Variants in MALRD1 observed in about 807,000 individuals in gnomAD.
The protein encoded by MALRD1 is MAM and LDL receptor class A domain containing 1.
MALRD1 carries 247 observed loss-of-function variants against 242.1 expected under a neutral mutation model. The ratio of observed to expected loss-of-function variants is 1.02; its 90% CI spans 0.92 to 1.13. The LOEUF (loss-of-function observed/expected upper bound fraction) is 1.13. Among genes scored for constraint, MALRD1 ranks in the 50% most tolerant of loss-of-function variants. The pLI is 0.00. For synonymous variants in MALRD1, 995 were observed against 866.6 expected (o/e 1.15, Z -2.60); for missense variants, 2,989 against 2,533.1 (o/e 1.18, Z -3.86).
At chr10:19,088,532 CTTTCT>C (rs1426378511) in intron 4 of MALRD1, among the ~76,000 whole-genome samples, 3 of 75,972 alleles carry the variant, frequency 3.9e-5, no homozygotes, top group African/African-American at 2.1e-4. Flanking sequence ...CTTCCTCTTT[CTTTCT>C]TTTTTTTTTT....
chr10:19,578,714 T>TC (rs1290254877), intron 33 of MALRD1, among the ~76,000 whole-genome samples: 18 of 151,758 alleles, frequency 1.2e-4, no homozygotes, highest in Non-Finnish European at 1.5e-4. Flanking sequence ...TTTTTTTTTT[T>TC]CACAGTACAC....
intron 31 of MALRD1, among the ~76,000 whole-genome samples, chr10:19,525,642 G>C (rs1834069625): frequency 6.6e-6 from 1 of 152,152 alleles, no homozygotes; most frequent in African/African-American, 2.4e-5. Context: ...TGTAAAATCT[G>C]TGCCCCAGGA....
At chr10:19,494,309 G>C (rs1837620154) in intron 30 of MALRD1, among the ~76,000 whole-genome samples, 1 of 152,162 alleles carries the variant, frequency 6.6e-6, no homozygotes, top group Non-Finnish European at 1.5e-5. Context: ...GAAGTTAAAG[G>C]AACATTTGCA....
intron 26 of MALRD1, among the ~76,000 whole-genome samples, chr10:19,353,151 C>T (rs1844470905): frequency 6.6e-6 from 1 of 151,948 alleles, no homozygotes; most frequent in Non-Finnish European, 1.5e-5. Context: ...GGTTTACAGG[C>T]ATGCTCCACC....
At position 19,723,845 on chromosome 10, in the gene MALRD1, G is replaced by A. The variant is rs186108870; in HGVS notation, c.6315-6861G>A. ...AACATGTTGCAAGAGTATTACTCCC[G>A]TGAGATAGTAGTAGAAACTAGGTGT... On this transcript the variant is annotated intron_variant, in intron 38 of 39. Transcript: ENST00000454679. Among the ~76,000 whole-genome samples, 390 of 151,792 alleles carry A rather than the reference G, an allele frequency of 2.6e-3. 4 individuals are homozygous for A. Among genetic ancestry groups the A allele is most frequent in the East Asian group, 1.2e-3 (6 of 5,150 alleles).
intron 11 of MALRD1, among the ~76,000 whole-genome samples, chr10:19,148,786 A>AT (rs1220802758): frequency 0.02 from 1,347 of 68,078 alleles, 11 homozygotes; most frequent in African/African-American, 0.029. Flanking sequence ...AAAAAAAAAA[A>AT]AAATATATAT....
intron 5 of MALRD1, among the ~76,000 whole-genome samples, chr10:19,107,514 T>C (rs1836505569): frequency 6.6e-6 from 1 of 151,692 alleles, no homozygotes; most frequent in African/African-American, 2.4e-5. Context: ...TCTCAGTCTA[T>C]GGGTATTTTA....
intron 29 of MALRD1, among the ~76,000 whole-genome samples, chr10:19,457,071 T>A (rs1835698747): frequency 6.6e-6 from 1 of 152,178 alleles, no homozygotes; most frequent in East Asian, 1.9e-4. Context: ...TTGATATGAT[T>A]GCCATCACTC....
chr10:19,270,313 TCTCTTCTCTC>T (rs1287766314), intron 19 of MALRD1, among the ~76,000 whole-genome samples: 1 of 132,908 alleles, frequency 7.5e-6, no homozygotes, highest in African/African-American at 3.1e-5. Context: ...ACTGTCTCTC[TCTCTTCTCTC>T]TCTCTCTCTC....
Position 19,646,024 on chromosome 10 carries a change from A to G in MALRD1, c.6137+30101A>G, listed in dbSNP as rs1840641729. On this transcript the variant is annotated intron_variant, in intron 36 of 39. Coordinates refer to ENST00000454679, the MANE Select transcript of MALRD1 (RefSeq NM_001142308.3). The stretch of plus-strand genomic sequence containing the variant: ...CTTGTGAACTAAATGTAAGTTTTGT[A>G]GCTTGTAGAAATAGAAAAAGCAAAT... Among the ~76,000 whole-genome samples the G allele has an allele frequency of 2.6e-5, 4 of 152,324 alleles. No homozygotes were observed. In the South Asian group the frequency reaches 8.3e-4, roughly 32 times the overall value.
At chr10:19,430,111 C>T (rs11009862) in intron 28 of MALRD1, among the ~76,000 whole-genome samples, 3 of 83,516 alleles carry the variant, frequency 3.6e-5, no homozygotes, top group Admixed American at 1.6e-4. Flanking sequence ...CTCCATTTTC[C>T]TTTTTTTTTT....
intron 38 of MALRD1, among the ~76,000 whole-genome samples, chr10:19,692,886 T>TATATATATATA (rs373717863): frequency 1.5e-5 from 2 of 136,864 alleles, no homozygotes; most frequent in African/African-American, 2.9e-5. Context: ...TATATATATA[T>TATATATATATA]AATTTCATCC....
chr10:19,071,996 T>C (rs1282141550), intron 2 of MALRD1, among the ~76,000 whole-genome samples: 2 of 152,172 alleles, frequency 1.3e-5, no homozygotes, highest in African/African-American at 4.8e-5. Flanking sequence ...TTGTCTGTGG[T>C]GAACTTGCAA....
chr10:19,119,759 G>T (rs1422639446), intron 5 of MALRD1, among the ~76,000 whole-genome samples: 4 of 152,152 alleles, frequency 2.6e-5, no homozygotes. Context: ...AGGCAGTCTA[G>T]TCCCCAGACA....
chr10:19,589,649 C>T (rs11010596), intron 33 of MALRD1, among the ~76,000 whole-genome samples: 1 of 152,248 alleles, frequency 6.6e-6, no homozygotes, highest in East Asian at 1.9e-4. Flanking sequence ...ACAAACAACC[C>T]TAAGATATAT....
intron 25 of MALRD1, among the ~76,000 whole-genome samples, chr10:19,351,244 G>T (rs1844363151): frequency 6.6e-6 from 1 of 152,148 alleles, no homozygotes; most frequent in Non-Finnish European, 1.5e-5. Flanking sequence ...AAGCTTTAAA[G>T]GCTTTGAATT....
At chr10:19,668,219 C>G (rs1307717685) in intron 36 of MALRD1, among the ~76,000 whole-genome samples, 1 of 152,200 alleles carries the variant, frequency 6.6e-6, no homozygotes. Context: ...TTCATTTCCT[C>G]CCTGGTTCCT....
At chr10:19,128,141 T>C in intron 7 of MALRD1, 80 bp from the exon 8 acceptor site, 1 of 1,071,322 alleles carries the variant, frequency 9.3e-7, no homozygotes, top group Non-Finnish European at 1.2e-6. Flanking sequence ...TTTTGAAAAC[T>C]TCAGAAATGT....
intron 4 of MALRD1, among the ~76,000 whole-genome samples, chr10:19,095,804 G>T (rs1483809400): frequency 2.0e-5 from 3 of 152,140 alleles, no homozygotes; most frequent in African/African-American, 7.2e-5. Context: ...TCAATTCCCT[G>T]TGTCTGCTTG....
Sources: gnomAD v4.1 joint callset for allele counts (sites outside exome capture counted in the v4.1 genomes callset) on GRCh38, gnomAD v4.1.1 for gene constraint, MANE v1.5 for transcripts, NCBI Gene and HGNC (gene_info 2026-07-23, HGNC 2026-07-21) for gene names.